Variants in NCK2 observed in about 807,000 individuals in gnomAD.
NCK2 encodes NCK adaptor protein 2, also known as cytoplasmic protein NCK2.
In NCK2, 16 loss-of-function variants were observed where a neutral mutation model predicts 33.9. That is an observed-to-expected ratio of 0.47 (90% CI 0.32 to 0.72). The LOEUF (loss-of-function observed/expected upper bound fraction) is 0.72, where lower values mean the gene tolerates loss of function less well. Among genes scored for constraint, NCK2 ranks in the 30% least tolerant of loss-of-function variants. The pLI is 0.03. For missense variants in NCK2, 418 were observed against 537.3 expected (o/e 0.78, Z 2.19); for synonymous variants, 273 against 239.9 (o/e 1.14, Z -1.27).
chr2:105,880,738 A>G (rs1224240326), intron 3 of NCK2, among the ~76,000 whole-genome samples: 1 of 152,054 alleles, frequency 6.6e-6, no homozygotes, highest in Admixed American at 6.6e-5. Context: ...TCAGAAGGAA[A>G]CCACCTACTC....
At chr2:105,780,017 T>C (rs1384306999) in intron 1 of NCK2, among the ~76,000 whole-genome samples, 1 of 152,200 alleles carries the variant, frequency 6.6e-6, no homozygotes, top group Non-Finnish European at 1.5e-5. Flanking sequence ...TCAATTCTAC[T>C]CTTTTCATAA....
intron 2 of NCK2, among the ~76,000 whole-genome samples, chr2:105,823,843 A>T (rs187497510): frequency 3.4e-4 from 52 of 152,224 alleles, no homozygotes; most frequent in Non-Finnish European, 5.4e-4. Context: ...GCCTGCAAGC[A>T]GTAAGGATGA....
intron 2 of NCK2, among the ~76,000 whole-genome samples, chr2:105,818,321 TAATGTA>T (rs1675580734): frequency 6.8e-6 from 1 of 146,148 alleles, no homozygotes; most frequent in Non-Finnish European, 1.5e-5. Context: ...GAGATATACC[TAATGTA>T]AATGACGAGT....
intron 3 of NCK2, among the ~76,000 whole-genome samples, chr2:105,864,709 T>C (rs1425356902): frequency 6.6e-6 from 1 of 151,954 alleles, no homozygotes; most frequent in Non-Finnish European, 1.5e-5. Context: ...CAGCCAGGCA[T>C]TCAATTTCTC....
chr2:105,805,943 C>T (rs950581892), intron 1 of NCK2, among the ~76,000 whole-genome samples: 2 of 152,038 alleles, frequency 1.3e-5, no homozygotes, highest in East Asian at 3.9e-4. Context: ...CAAGTCCAAA[C>T]ATGTAATTCA....
At chr2:105,833,666 A>AT (rs142774715) in intron 2 of NCK2, among the ~76,000 whole-genome samples, 28,096 of 151,512 alleles carry the variant, frequency 0.19, 3,219 homozygotes, top group Non-Finnish European at 0.26. Context: ...GATTTTTTGC[A>AT]TTTTTTTGGC....
intron 1 of NCK2, among the ~76,000 whole-genome samples, chr2:105,777,486 T>C (rs1217979865): frequency 6.6e-6 from 1 of 152,182 alleles, no homozygotes; most frequent in Non-Finnish European, 1.5e-5. Flanking sequence ...TGGTAGGTGC[T>C]GTGCATTTTC....
At chr2:105,781,449 G>C (rs560567898) in intron 1 of NCK2, among the ~76,000 whole-genome samples, 1 of 152,276 alleles carries the variant, frequency 6.6e-6, no homozygotes, top group Admixed American at 6.5e-5. Flanking sequence ...GCCAGAACTA[G>C]TGACCCTCCT....
intron 2 of NCK2, among the ~76,000 whole-genome samples, chr2:105,825,402 C>T (rs1034829688): frequency 6.6e-5 from 10 of 152,174 alleles, no homozygotes; most frequent in African/African-American, 1.9e-4. Flanking sequence ...ATCCTTACAG[C>T]GAGCTGACCC....
At chr2:105,815,928 T>A (rs974978549) in intron 1 of NCK2, among the ~76,000 whole-genome samples, 2 of 152,182 alleles carry the variant, frequency 1.3e-5, no homozygotes, top group African/African-American at 2.4e-5. Context: ...TGGAAGAGAC[T>A]GGGAGCTCAG....
intron 3 of NCK2, chr2:105,856,532 A>G (rs1359770762): frequency 6.6e-6 from 1 of 152,248 alleles, no homozygotes; most frequent in African/African-American, 2.4e-5. Context: ...AAGTAAAATT[A>G]TACACCAAAT....
intron 1 of NCK2, among the ~76,000 whole-genome samples, chr2:105,790,322 C>T (rs1690836197): frequency 6.6e-6 from 1 of 152,242 alleles, no homozygotes; most frequent in African/African-American, 2.4e-5. Flanking sequence ...AGATCTTGCC[C>T]TGCTGACTCA....
At position 105,880,801 on chromosome 2, in the gene NCK2, G is replaced by T. The variant is rs190900351; in HGVS notation, c.227-527G>T. ...CCGCATTTTTTGGTTTTAGAGACAG[G>T]GCCTCACTCTGTTGCACAGGCTGGA... is the stretch of plus-strand genomic sequence containing the variant. On this transcript the variant is annotated intron_variant, in intron 3 of 4. Transcript: ENST00000233154. 1.0e-3 allele frequency among the ~76,000 whole-genome samples: 155 copies of T among 152,144 alleles called. 2 individuals carry two copies. Among genetic ancestry groups the T allele is most frequent in the African/African-American group, 3.6e-3 (151 of 41,486 alleles).
chr2:105,853,588 T>C (rs1359286438), intron 2 of NCK2, among the ~76,000 whole-genome samples: 1 of 152,208 alleles, frequency 6.6e-6, no homozygotes, highest in Non-Finnish European at 1.5e-5. Flanking sequence ...ACTGTCTCCA[T>C]AGATTTGTCT....
Position 105,784,993 on chromosome 2 carries a change from T to C in NCK2, c.-200-31437T>C, listed in dbSNP as rs568813452. Among the ~76,000 whole-genome samples the C allele has an allele frequency of 3.9e-5, 6 of 152,350 alleles. No individual in the cohort carries two copies. In the South Asian group the frequency reaches 1.2e-3, roughly 32 times the overall value. ...TTTGTTTTGTTTTTGTTTTTGTTTG[T>C]TTTGAGACGGAGTCTCGCTCTGTCG... On this transcript the variant is annotated intron_variant, in intron 1 of 4. Transcript: ENST00000233154.
At chr2:105,780,891 G>A (rs755977186) in intron 1 of NCK2, among the ~76,000 whole-genome samples, 19 of 152,314 alleles carry the variant, frequency 1.2e-4, no homozygotes, top group Non-Finnish European at 2.5e-4. Flanking sequence ...TTCCACAACT[G>A]TGGGAAATAA....
chr2:105,749,773 T>G (rs1390631191), intron 1 of NCK2, among the ~76,000 whole-genome samples: 1 of 151,908 alleles, frequency 6.6e-6, no homozygotes, highest in Non-Finnish European at 1.5e-5. Flanking sequence ...CCCCACATCC[T>G]GGTTATGGGC....
At chr2:105,882,909 C>T (rs907093547) in intron 4 of NCK2, among the ~76,000 whole-genome samples, 3 of 152,168 alleles carry the variant, frequency 2.0e-5, no homozygotes, top group African/African-American at 7.2e-5. Flanking sequence ...TTTAAATGCA[C>T]GCTATAAGAC....
In NCK2 at chr2:105,893,034, A is replaced by G; in HGVS notation, c.1001A>G (p.Lys334Arg). 2 of 1,614,120 alleles carry G rather than the reference A, an allele frequency of 1.2e-6. No homozygotes were observed. The highest frequency in any genetic ancestry group is 1.7e-5 in the Admixed American group (1 of 60,034). Residue 334 changes from lysine (K) to arginine (R), a missense_variant, in exon 5 of 5, where the codon AAG becomes AGG. Physicochemically the swap from Lys to Arg is conservative, Grantham distance 26. Transcript: ENST00000233154. ...LKASGKNKHF[K>R]VQLVDNVYCI... ...GCGTCAGGGAAGAACAAACACTTCA[A>G]GGTGCAGCTCGTGGACAATGTCTAC... is the stretch of plus-strand genomic sequence containing the variant.
Sources: allele counts gnomAD v4.1 joint callset (sites outside exome capture counted in the v4.1 genomes callset), GRCh38; gene constraint gnomAD v4.1.1; transcripts MANE v1.5; gene names NCBI Gene and HGNC (gene_info 2026-07-23, HGNC 2026-07-21).